The following GRAP2 variants were observed in gnomAD, a reference collection of about 807,000 sequenced individuals.
The protein encoded by GRAP2 is GRB2 related adaptor protein 2, also known as GRB2-related adapter protein 2.
In GRAP2, 31 loss-of-function variants were observed where a neutral mutation model predicts 43.5. The ratio of observed to expected loss-of-function variants is 0.71; its 90% CI spans 0.54 to 0.96. GRAP2 has a LOEUF of 0.96. Ranked by LOEUF, GRAP2 falls within the 40% of genes least tolerant of loss-of-function variation. The pLI, the probability that GRAP2 is intolerant of heterozygous loss-of-function variation, is 0.00. For missense variants in GRAP2, 371 were observed against 424.4 expected (o/e 0.87, Z 1.11); for synonymous variants, 156 against 164.8 (o/e 0.95, Z 0.41).
At chr22:39,905,036 A>G (rs185652508) in intron 1 of GRAP2, among the ~76,000 whole-genome samples, 1 of 152,290 alleles carries the variant, frequency 6.6e-6, no homozygotes, top group Admixed American at 6.5e-5. Flanking sequence ...AGGTTGTTCC[A>G]CTGTGCATGA....
chr22:39,929,395 T>C (rs2066734964), intron 1 of GRAP2, among the ~76,000 whole-genome samples: 1 of 152,202 alleles, frequency 6.6e-6, no homozygotes, highest in South Asian at 2.1e-4. Flanking sequence ...ATAGATTTTG[T>C]GAATAGTCAT....
At chr22:39,925,953 C>T (rs1601701980) in intron 1 of GRAP2, among the ~76,000 whole-genome samples, 1 of 152,216 alleles carries the variant, frequency 6.6e-6, no homozygotes, top group African/African-American at 2.4e-5. Context: ...CTCAGCCCCT[C>T]CCTTAGGTGG....
chr22:39,931,366 A>G (rs2066753531), intron 1 of GRAP2, among the ~76,000 whole-genome samples: 1 of 152,222 alleles, frequency 6.6e-6, no homozygotes, highest in Non-Finnish European at 1.5e-5. Context: ...TAAAGAGAGA[A>G]GATCATTCAA....
Position 39,968,254 on chromosome 22 carries a change from G to A in GRAP2, c.672G>A (p.Gln224=). 6.2e-7 allele frequency: 1 copy of A among 1,612,982 alleles called. No homozygotes were observed. The highest frequency in any genetic ancestry group is 1.6e-4 in the Middle Eastern group (1 of 6,062). The change falls in exon 6 of 8, where the codon CAG becomes CAA. Residue 224 remains glutamine (Q), a synonymous_variant. Transcript: ENST00000344138. The part of the protein sequence containing the change: ...LQQPPQQRYL[Q]HHHFHQERRG... ...AGCCCCCACAGCAGCGATATCTGCA[G>A]CACCACCATTTCCACCAGGTATCTG... is the stretch of plus-strand genomic sequence containing the variant.
intron 2 of GRAP2, 161 bp downstream of exon 2, chr22:39,947,345 C>T: frequency 1.6e-6 from 1 of 619,780 alleles, no homozygotes; most frequent in East Asian, 2.8e-5. Flanking sequence ...ACCAACCAGG[C>T]CGGGTGATGG....
chr22:39,953,514 G>A (rs2067012626), intron 2 of GRAP2, among the ~76,000 whole-genome samples: 3 of 152,092 alleles, frequency 2.0e-5, no homozygotes, highest in Admixed American at 2.0e-4. Context: ...TCTCTTGACT[G>A]GAGGCCTGCG....
chr22:39,934,896 C>A (rs576197123), intron 1 of GRAP2, among the ~76,000 whole-genome samples: 14 of 152,204 alleles, frequency 9.2e-5, no homozygotes, highest in African/African-American at 2.9e-4. Context: ...AAACAAAAAA[C>A]CAGCCAACAG....
intron 2 of GRAP2, among the ~76,000 whole-genome samples, chr22:39,949,737 G>A (rs1410273966): frequency 6.6e-6 from 1 of 152,142 alleles, no homozygotes; most frequent in East Asian, 1.9e-4. Flanking sequence ...GAGAGGATTC[G>A]AGGTGATGAC....
chr22:39,926,940 TC>T, intron 1 of GRAP2: 1 of 721,038 alleles, frequency 1.4e-6, no homozygotes, highest in Non-Finnish European at 1.7e-6. Context: ...ACTGCCTGGC[TC>T]CAGCCTGGAT....
At chr22:39,964,505 A>AAGCG in intron 4 of GRAP2, 1 of 1,027,632 alleles carries the variant, frequency 9.7e-7, no homozygotes, top group Non-Finnish European at 1.5e-6. Flanking sequence ...GAGGTGCTAA[A>AAGCG]AGCGAAGGTC....
At chr22:39,939,638 C>T (rs1365682746) in intron 1 of GRAP2, among the ~76,000 whole-genome samples, 1 of 150,380 alleles carries the variant, frequency 6.6e-6, no homozygotes, top group Non-Finnish European at 1.5e-5. Context: ...GAACTGTTGG[C>T]TGTAAACCTT....
intron 2 of GRAP2, among the ~76,000 whole-genome samples, chr22:39,952,620 A>G (rs2050310397): frequency 6.6e-6 from 1 of 152,190 alleles, no homozygotes; most frequent in African/African-American, 2.4e-5. Flanking sequence ...CAGCAGTCAC[A>G]TTTGATGTTA....
At chr22:39,906,062 T>A (rs2066520840) in intron 1 of GRAP2, among the ~76,000 whole-genome samples, 5 of 151,614 alleles carry the variant, frequency 3.3e-5, no homozygotes, top group Admixed American at 2.0e-4. Context: ...CAGAAAAGAG[T>A]AGGAGAACTA....
At chr22:39,911,386 T>G in intron 1 of GRAP2, among the ~76,000 whole-genome samples, 5 of 151,206 alleles carry the variant, frequency 3.3e-5, no homozygotes, top group African/African-American at 1.2e-4. Context: ...CTCCATCACC[T>G]CCCCCAGCCC....
chr22:39,973,484 G>A lies in GRAP2; in HGVS notation c.*2400G>A, dbSNP rs141870963. On this transcript the variant is annotated 3_prime_UTR_variant, in exon 8 of 8. Transcript: ENST00000344138. ...AGAGCTTTCAGAACCCCTGGAGCTC[G>A]GTGTTCTGTTGTAGCAAAAGCTACT... The A allele has an allele frequency of 5.4e-4, 83 of 152,326 alleles. No homozygotes were observed. The highest frequency in any genetic ancestry group is 1.9e-3 in the African/African-American group (78 of 41,574). 9.4% of individuals were successfully genotyped at this position (152,326 alleles called of 1,614,324 possible). A position where few individuals can be genotyped will look rare whatever the true frequency, so the allele number is the denominator to read the frequency against.
intron 1 of GRAP2, among the ~76,000 whole-genome samples, chr22:39,924,008 A>G (rs1446617437): frequency 6.6e-6 from 1 of 152,198 alleles, no homozygotes; most frequent in Non-Finnish European, 1.5e-5. Flanking sequence ...ATAAAAACTG[A>G]ACGTAGGGGG....
chr22:39,965,064 C>T (rs2067158553), intron 4 of GRAP2, among the ~76,000 whole-genome samples: 1 of 152,212 alleles, frequency 6.6e-6, no homozygotes. Context: ...AGAAGTAAGG[C>T]TAAACAATCT....
rs78511943 is a variant in GRAP2, at chr22:39,924,238, G to A, written c.-14-22855G>A. Among the ~76,000 whole-genome samples the A allele has an allele frequency of 8.3e-3, 1,258 of 152,252 alleles. 12 individuals are homozygous for A. Among genetic ancestry groups the A allele is most frequent in the Non-Finnish European group, 0.013 (866 of 68,004 alleles). On this transcript the variant is annotated intron_variant, in intron 1 of 7. Transcript: ENST00000344138. ...ATGTAAAATACTGTTTATAAATCGC[G>A]GGAGAAATGTTTCACATTCTTATTA...
chr22:39,924,970 G>A (rs113094549), intron 1 of GRAP2, among the ~76,000 whole-genome samples: 1 of 152,218 alleles, frequency 6.6e-6, no homozygotes, highest in African/African-American at 2.4e-5. Context: ...TTGAATTTGA[G>A]CTGGACCTGA....
Sources: allele counts gnomAD v4.1 joint callset (sites outside exome capture counted in the v4.1 genomes callset), GRCh38; gene constraint gnomAD v4.1.1; transcripts MANE v1.5; gene names NCBI Gene and HGNC (gene_info 2026-07-23, HGNC 2026-07-21).